MME: variants seen among roughly 807,000 people sequenced by gnomAD.
The protein encoded by MME is membrane metalloendopeptidase, also known as neprilysin.
In MME, 98 loss-of-function variants were observed where a neutral mutation model predicts 113.2. The observed-to-expected ratio is 0.87, with a 90% CI of 0.74 to 1.02. MME has a LOEUF of 1.02. Among genes scored for constraint, MME ranks in the 50% least tolerant of loss-of-function variants. MME has a pLI of 0.00. For synonymous variants in MME, 292 were observed against 300.6 expected (o/e 0.97, Z 0.30); for missense variants, 836 against 896.0 (o/e 0.93, Z 0.86).
At chr3:155,146,024 T>A (rs1184409270) in intron 14 of MME, among the ~76,000 whole-genome samples, 3 of 152,010 alleles carry the variant, frequency 2.0e-5, no homozygotes, top group Non-Finnish European at 4.4e-5. Context: ...AACTCAGAGA[T>A]ACAGGCTAAA....
rs1713156151 is a variant in MME, at chr3:155,182,150, T to C, written c.*1691T>C. The C allele has an allele frequency of 6.6e-6, 1 of 152,232 alleles. No homozygotes were observed. Among genetic ancestry groups the C allele is most frequent in the African/African-American group, 2.4e-5 (1 of 41,466 alleles). 9.4% of individuals were successfully genotyped at this position (152,232 alleles called of 1,614,324 possible). On this transcript the variant is annotated 3_prime_UTR_variant, in exon 23 of 23. Transcript: ENST00000360490. ...ACTAGCTTTGCCTGGTTTTGTCTTT[T>C]ATGCAGATAGAATCAATCAGTATGT...
At chr3:155,040,519 T>C (rs1387139897) in intron 1 of MME, among the ~76,000 whole-genome samples, 1 of 151,884 alleles carries the variant, frequency 6.6e-6, no homozygotes, top group Non-Finnish European at 1.5e-5. Flanking sequence ...TATGTATTTA[T>C]GTATATATAA....
At chr3:155,179,051 A>T (rs2108389565) in intron 22 of MME, among the ~76,000 whole-genome samples, 1 of 152,314 alleles carries the variant, frequency 6.6e-6, no homozygotes, top group South Asian at 2.1e-4. Context: ...AAGAGGAGTT[A>T]GTTTAGATGG....
At chr3:155,088,211 C>T (rs559601989) in intron 3 of MME, among the ~76,000 whole-genome samples, 24 of 141,954 alleles carry the variant, frequency 1.7e-4, no homozygotes, top group South Asian at 4.4e-4. Context: ...CACTCGTGCG[C>T]GCACACACAC....
chr3:155,133,025 G>A (rs1305459744), intron 8 of MME, among the ~76,000 whole-genome samples: 2 of 59,830 alleles, frequency 3.3e-5, no homozygotes, highest in Admixed American at 2.4e-4. Flanking sequence ...TGGGCAACAA[G>A]AGCAAACCCC....
intron 16 of MME, among the ~76,000 whole-genome samples, chr3:155,157,771 A>C (rs1722422964): frequency 6.6e-6 from 1 of 152,184 alleles, no homozygotes; most frequent in South Asian, 2.1e-4. Flanking sequence ...AAGATCTCAA[A>C]GAAGAAAAGG....
chr3:155,143,652 C>T, intron 13 of MME, 81 bp downstream of exon 13: 3 of 1,507,978 alleles, frequency 2.0e-6, no homozygotes, highest in Middle Eastern at 1.8e-4. Context: ...TACAGTTCTC[C>T]ATCATTTGGC....
intron 1 of MME, chr3:155,081,542 A>C (rs922092307): frequency 6.6e-6 from 1 of 151,974 alleles, no homozygotes; most frequent in Admixed American, 6.6e-5. Context: ...CTTCAGTTGA[A>C]GTGAAATATT....
At chr3:155,130,271 A>G (rs1189340375) in intron 8 of MME, among the ~76,000 whole-genome samples, 1 of 152,218 alleles carries the variant, frequency 6.6e-6, no homozygotes, top group Non-Finnish European at 1.5e-5. Context: ...ATGTACACAC[A>G]CTTCAAAAGC....
At chr3:155,164,029 A>G (rs1722902684) in intron 17 of MME, among the ~76,000 whole-genome samples, 1 of 151,878 alleles carries the variant, frequency 6.6e-6, no homozygotes, top group Admixed American at 6.6e-5. Flanking sequence ...CTGTGGTCTC[A>G]GCTACTTGAG....
rs1718636986 is a variant in MME at position 155,116,668 on chromosome 3, T to C, written c.444T>C (p.Ala148=). The change falls in exon 6 of 23, where the codon GCT becomes GCC. Residue 148 remains alanine, a synonymous_variant. Transcript: ENST00000360490. ...ALYRSCINES[A]IDSRGGEPLL... Reference sequence around the variant, plus strand: ...TATGTTTGTTGTTTCCAAAAGCTGCTATTGATAGCAGAGGTGGAGAACCTC... The same window carrying C: ...TATGTTTGTTGTTTCCAAAAGCTGCCATTGATAGCAGAGGTGGAGAACCTC... 6.2e-7 allele frequency: 1 copy of C among 1,611,954 alleles called. No individual in the cohort carries two copies. The highest frequency in any genetic ancestry group is 1.3e-5 in the African/African-American group (1 of 74,968).
At chr3:155,161,342 T>C (rs1384410263) in intron 17 of MME, among the ~76,000 whole-genome samples, 1 of 152,122 alleles carries the variant, frequency 6.6e-6, no homozygotes, top group Non-Finnish European at 1.5e-5. Flanking sequence ...CTGCCCTTCA[T>C]TTCTAAACGT....
intron 1 of MME, among the ~76,000 whole-genome samples, chr3:155,063,714 T>TATATA (rs1714278084): frequency 3.7e-5 from 5 of 134,764 alleles, no homozygotes; most frequent in South Asian, 4.3e-4. Flanking sequence ...TATATTATAT[T>TATATA]ATATATACCA....
chr3:155,045,186 C>G (rs1289001323), intron 1 of MME, among the ~76,000 whole-genome samples: 6 of 149,238 alleles, frequency 4.0e-5, no homozygotes, highest in African/African-American at 1.2e-4. Flanking sequence ...GAGTCTCGCT[C>G]TGTCGCCAGG....
At chr3:155,161,098 T>C (rs1722691375) in intron 17 of MME, among the ~76,000 whole-genome samples, 1 of 152,150 alleles carries the variant, frequency 6.6e-6, no homozygotes, top group South Asian at 2.1e-4. Flanking sequence ...ATATGATGAA[T>C]AACTGAATGA....
intron 3 of MME, among the ~76,000 whole-genome samples, chr3:155,094,197 T>G (rs946320463): frequency 4.5e-4 from 69 of 152,364 alleles, no homozygotes; most frequent in African/African-American, 1.6e-3. Flanking sequence ...GCTTACTGCT[T>G]CTTTTTCCAC....
intron 1 of MME, among the ~76,000 whole-genome samples, chr3:155,064,172 C>T (rs1481400907): frequency 1.3e-5 from 2 of 151,852 alleles, no homozygotes; most frequent in Non-Finnish European, 2.9e-5. Flanking sequence ...ACCTGTAATC[C>T]CAGGTAGTCG....
intron 22 of MME, 73 bp from the exon 23 acceptor site, chr3:155,180,287 T>C (rs1250022503): frequency 1.9e-6 from 2 of 1,063,306 alleles, no homozygotes; most frequent in African/African-American, 3.1e-5. Context: ...CAGAGGGAAA[T>C]GCTTCAGGGC....
chr3:155,167,764 T>C (rs1235383451), intron 18 of MME, among the ~76,000 whole-genome samples: 3 of 152,162 alleles, frequency 2.0e-5, no homozygotes, highest in South Asian at 2.1e-4. Context: ...CAACAGTCTT[T>C]ACAGGTAGGT....
Sources: gnomAD v4.1 joint callset for allele counts (sites outside exome capture counted in the v4.1 genomes callset) on GRCh38, gnomAD v4.1.1 for gene constraint, MANE v1.5 for transcripts, NCBI Gene and HGNC (gene_info 2026-07-23, HGNC 2026-07-21) for gene names.